FBXO34: variants seen among roughly 807,000 people sequenced by gnomAD.
FBXO34 encodes the protein F-box only protein 34.
FBXO34 carries 12 observed loss-of-function variants against 24.5 expected under a neutral mutation model. The ratio of observed to expected loss-of-function variants is 0.49; its 90% CI spans 0.31 to 0.79. FBXO34 has a LOEUF of 0.79. FBXO34 is among the 30% of genes least tolerant of loss of function. The pLI is 0.04. For synonymous variants in FBXO34, 320 were observed against 311.9 expected, an observed-to-expected ratio of 1.03 and a Z score of -0.27; for missense variants, 823 against 857.7, an observed-to-expected ratio of 0.96 and a Z score of 0.51.
intron 1 of FBXO34, among the ~76,000 whole-genome samples, chr14:55,274,884 T>C (rs959376125): frequency 6.6e-6 from 1 of 152,210 alleles, no homozygotes; most frequent in Non-Finnish European, 1.5e-5. Flanking sequence ...GAAGCTACTA[T>C]GGTATGATGA....
At chr14:55,349,960 T>C (rs1013328267) in intron 1 of FBXO34, among the ~76,000 whole-genome samples, 2 of 152,182 alleles carry the variant, frequency 1.3e-5, no homozygotes, top group African/African-American at 2.4e-5. Context: ...CGAATTGTGA[T>C]GATTTAGAAA....
At chr14:55,440,397 T>C in the FBXO34 span, 1 of 1,612,810 alleles carries the variant, frequency 6.2e-7, no homozygotes, top group Non-Finnish European at 8.5e-7. Flanking sequence ...CAGCCTCACC[T>C]GAGCGGCGCA....
chr14:55,430,870 C>A, the FBXO34 span, among the ~76,000 whole-genome samples: 1 of 152,208 alleles, frequency 6.6e-6, no homozygotes, highest in African/African-American at 2.4e-5. Context: ...TAATCTATTA[C>A]ATTTCCCGTA....
the FBXO34 span, among the ~76,000 whole-genome samples, chr14:55,416,291 T>G: frequency 3.3e-5 from 5 of 152,068 alleles, no homozygotes; most frequent in African/African-American, 1.2e-4. Flanking sequence ...CCTTATAAGC[T>G]TAATTTTTTA....
chr14:55,404,388 C>G, the FBXO34 span, among the ~76,000 whole-genome samples: 2 of 152,202 alleles, frequency 1.3e-5, no homozygotes, highest in Non-Finnish European at 2.9e-5. Flanking sequence ...TTACACTGCC[C>G]TCTGGGATGT....
At chr14:55,432,637 A>G in the FBXO34 span, among the ~76,000 whole-genome samples, 3 of 152,344 alleles carry the variant, frequency 2.0e-5, no homozygotes, top group Middle Eastern at 3.4e-3. Context: ...ATGTAAAACA[A>G]TGTAACTTTT....
intron 1 of FBXO34, among the ~76,000 whole-genome samples, chr14:55,319,750 A>G (rs914334927): frequency 2.6e-5 from 4 of 152,156 alleles, no homozygotes; most frequent in East Asian, 1.9e-4. Context: ...ATCTCGGCTC[A>G]CTGCAAGCTC....
At chr14:55,300,623 A>G (rs923536071) in intron 1 of FBXO34, among the ~76,000 whole-genome samples, 1 of 152,154 alleles carries the variant, frequency 6.6e-6, no homozygotes, top group Non-Finnish European at 1.5e-5. Flanking sequence ...TATTTGTTCT[A>G]GTGTTTTTCA....
the FBXO34 span, among the ~76,000 whole-genome samples, chr14:55,389,930 A>G: frequency 6.6e-6 from 1 of 152,222 alleles, no homozygotes; most frequent in African/African-American, 2.4e-5. Flanking sequence ...TAAGATTAAT[A>G]CAGATTACAA....
At chr14:55,299,358 C>T in intron 1 of FBXO34, 2 of 349,878 alleles carry the variant, frequency 5.7e-6, no homozygotes, top group South Asian at 4.3e-5. Context: ...TGCTCGCTCT[C>T]TGCATAGCAT....
chr14:55,283,469 C>CTT (rs199599790), intron 1 of FBXO34, among the ~76,000 whole-genome samples: 2,630 of 137,608 alleles, frequency 0.019, 64 homozygotes, highest in African/African-American at 0.066. Flanking sequence ...TTTTTTCTTT[C>CTT]TTTTTTTTTT....
intron 1 of FBXO34, among the ~76,000 whole-genome samples, chr14:55,274,726 T>G (rs936907005): frequency 6.6e-6 from 1 of 152,240 alleles, no homozygotes; most frequent in African/African-American, 2.4e-5. Flanking sequence ...TTAATTTATG[T>G]TCAGCTAGCT....
At chr14:55,374,301 C>T (rs1884879132), downstream of FBXO34, among the ~76,000 whole-genome samples, 1 of 152,160 alleles carries the variant, frequency 6.6e-6, no homozygotes, top group Non-Finnish European at 1.5e-5. Flanking sequence ...CAGTTCACTG[C>T]AGCCTCCAAC....
At chr14:55,429,597 C>G in the FBXO34 span, among the ~76,000 whole-genome samples, 1 of 151,950 alleles carries the variant, frequency 6.6e-6, no homozygotes, top group African/African-American at 2.4e-5. Flanking sequence ...AACGCTGTCT[C>G]TACTAAAAAT....
chr14:55,413,393 A>G, the FBXO34 span: 1 of 176,874 alleles, frequency 5.7e-6, no homozygotes, highest in African/African-American at 2.4e-5. Context: ...ATATGTTGCT[A>G]TATATTTTCA....
Position 55,352,678 on chromosome 14 carries a change from A to G in FBXO34, c.*152A>G. On this transcript the variant is annotated 3_prime_UTR_variant, in exon 2 of 2. Transcript: ENST00000313833. ...TGCTCAGGCATTTTCTAAACTCTAA[A>G]TTTACGAGCTGTACAAAAAAATTGG... 5.9e-6 allele frequency: 4 copies of G among 672,580 alleles called. No individual in the cohort carries two copies. The highest frequency in any genetic ancestry group is 9.5e-6 in the Non-Finnish European group (4 of 422,232). The allele number at this position is 672,580 out of a possible 1,614,324, so 41.7% of individuals were successfully genotyped here.
the FBXO34 span, among the ~76,000 whole-genome samples, chr14:55,379,855 G>A: frequency 6.6e-6 from 1 of 152,158 alleles, no homozygotes; most frequent in Non-Finnish European, 1.5e-5. Context: ...CCAAATAGCT[G>A]GGATACAGGC....
rs1047822783 is a variant in FBXO34, at chr14:55,352,651, A to C, written c.*125A>C. On this transcript the variant is annotated 3_prime_UTR_variant, in exon 2 of 2. Transcript: ENST00000313833. Reference sequence around the variant, plus strand: ...AGAATCTGTACATCATCAGGACTGCATTGCTCAGGCATTTTCTAAACTCTA... The same window carrying C: ...AGAATCTGTACATCATCAGGACTGCCTTGCTCAGGCATTTTCTAAACTCTA... The C allele has an allele frequency of 1.4e-5, 11 of 790,406 alleles. No homozygotes were observed. Among genetic ancestry groups the C allele is most frequent in the Non-Finnish European group, 1.7e-5 (9 of 516,738 alleles). 49.0% of individuals were successfully genotyped at this position (790,406 alleles called of 1,614,324 possible). A position where few individuals can be genotyped will look rare whatever the true frequency, so the allele number is the denominator to read the frequency against.
In FBXO34 at chr14:55,273,099, ATAGT is replaced by A. The variant is rs371745926; in HGVS notation, c.-11+1567_-11+1570del. 3.3e-4 allele frequency among the ~76,000 whole-genome samples: 50 copies of A among 152,254 alleles called. 1 individual carries two copies. The highest frequency in any genetic ancestry group is 1.2e-3 in the African/African-American group (50 of 41,544). On this transcript the variant is annotated intron_variant, in intron 1 of 1. Transcript: ENST00000313833. Reference sequence around the variant, plus strand: ...AAGGTAGATGGCTTAAACTTGAAGCATAGTTAGTCTTTAGCAGGAAGCTTGGGTA... The same window carrying A: ...AAGGTAGATGGCTTAAACTTGAAGCATAGTCTTTAGCAGGAAGCTTGGGTA...
Sources: allele counts gnomAD v4.1 joint callset (sites outside exome capture counted in the v4.1 genomes callset), GRCh38; gene constraint gnomAD v4.1.1; transcripts MANE v1.5; gene names NCBI Gene and HGNC (gene_info 2026-07-23, HGNC 2026-07-21).